CTSD: variants seen among roughly 807,000 people sequenced by gnomAD.
The protein encoded by CTSD is ceroid-lipofuscinosis, neuronal 10.
A neutral mutation model predicts 43.6 loss-of-function variants in CTSD; 28 were observed. The ratio of observed to expected loss-of-function variants is 0.64; its 90% CI spans 0.48 to 0.88. The LOEUF (loss-of-function observed/expected upper bound fraction) is 0.88. CTSD is among the 40% of genes least tolerant of loss of function. CTSD has a pLI of 0.00. For missense variants in CTSD, 485 were observed against 555.2 expected, an observed-to-expected ratio of 0.87 and a Z score of 1.27; for synonymous variants, 270 against 249.8, an observed-to-expected ratio of 1.08 and a Z score of -0.76.
Position 1,763,917 on chromosome 11 carries a change from A to T in CTSD, c.-58T>A. 6.9e-7 allele frequency: 1 copy of T among 1,449,722 alleles called. No individual in the cohort carries two copies. Among genetic ancestry groups the T allele is most frequent in the Non-Finnish European group, 9.2e-7 (1 of 1,084,296 alleles). The allele number at this position is 1,449,722 out of a possible 1,614,324, so 89.8% of individuals were successfully genotyped here. A position where few individuals can be genotyped will look rare whatever the true frequency, so the allele number is the denominator to read the frequency against. ...AGGCCGTGCGCTTATAGCCGGGATG[A>T]CGCCGCAGTTGGGCCGGATCAGCTG... On this transcript the variant is annotated 5_prime_UTR_variant, in exon 1 of 9. Coordinates refer to ENST00000236671, the MANE Select transcript of CTSD (RefSeq NM_001909.5).
At chr11:1,754,552 G>A (rs796615775) in intron 6 of CTSD, among the ~76,000 whole-genome samples, 24 of 142,216 alleles carry the variant, frequency 1.7e-4, no homozygotes, top group South Asian at 7.1e-4. Context: ...GGGATGGAGG[G>A]GATGGAGGGA....
intron 1 of CTSD, among the ~76,000 whole-genome samples, chr11:1,763,294 TCCCA>T (rs1241948784): frequency 2.8e-4 from 43 of 152,098 alleles, no homozygotes; most frequent in Non-Finnish European, 5.9e-4. Flanking sequence ...TCGAGGGGTC[TCCCA>T]GCCCAGGGCC....
intron 2 of CTSD, among the ~76,000 whole-genome samples, chr11:1,760,086 AG>A (rs1479574782): frequency 6.6e-6 from 1 of 152,340 alleles, no homozygotes; most frequent in East Asian, 1.9e-4. Flanking sequence ...GGCCATGTCA[AG>A]GTCTGATTCT....
Position 1,753,285 on chromosome 11 carries a change from C to T in CTSD, c.*218G>A, listed in dbSNP as rs1845749449. The T allele has an allele frequency of 3.2e-6, 2 of 626,796 alleles. No homozygotes were observed. The highest frequency in any genetic ancestry group is 2.9e-6 in the Non-Finnish European group (1 of 349,530). The allele number at this position is 626,796 out of a possible 1,614,324, so 38.8% of individuals were successfully genotyped here. A position where few individuals can be genotyped will look rare whatever the true frequency, so the allele number is the denominator to read the frequency against. ...CTGGATCAGCTCTACCCCCACCAAA[C>T]AGATGGAGAGACAGACAGGCAGGCA... On this transcript the variant is annotated 3_prime_UTR_variant, in exon 9 of 9. Transcript: ENST00000236671.
At chr11:1,763,725 C>T in intron 1 of CTSD, 67 bp downstream of exon 1, 1 of 1,423,626 alleles carries the variant, frequency 7.0e-7, no homozygotes, top group South Asian at 1.3e-5. Context: ...CGAAAGTCAC[C>T]ACAGGCCCCG....
intron 2 of CTSD, chr11:1,760,221 C>T (rs11040948): frequency 1.3e-5 from 2 of 153,142 alleles, no homozygotes; most frequent in Admixed American, 1.3e-4. Flanking sequence ...CCCAGCAACC[C>T]TGCCTTAATG....
rs1208804887 is a variant in CTSD, at chr11:1,753,322, C to G, written c.*181G>C. On this transcript the variant is annotated 3_prime_UTR_variant, in exon 9 of 9. Coordinates refer to ENST00000236671, the MANE Select transcript of CTSD (RefSeq NM_001909.5). ...CAGACAGGCAGGCAGCATTTCTGAA[C>G]CCAGGGAGGGGAAAACCACAGAACA... The G allele has an allele frequency of 4.2e-5, 29 of 697,346 alleles. No homozygotes were observed. The Admixed American group carries it at 6.3e-4, about 15-fold the overall frequency. 43.2% of individuals were successfully genotyped at this position (697,346 alleles called of 1,614,324 possible).
chr11:1,757,040 C>T (rs2133661632), intron 5 of CTSD, among the ~76,000 whole-genome samples: 1 of 152,334 alleles, frequency 6.6e-6, no homozygotes, highest in South Asian at 2.1e-4. Context: ...TGGGTCCATT[C>T]TCATAGGAGG....
chr11:1,757,081 C>T (rs1262774634), intron 5 of CTSD, among the ~76,000 whole-genome samples: 8 of 152,258 alleles, frequency 5.3e-5, no homozygotes, highest in Non-Finnish European at 1.0e-4. Context: ...CCAGGACCCA[C>T]AGCCTGGCCC....
chr11:1,760,915 T>G (rs1296000716), intron 2 of CTSD: 2 of 316,730 alleles, frequency 6.3e-6, no homozygotes, highest in Admixed American at 8.4e-5. Flanking sequence ...CAGGAGGGGC[T>G]GTTGCGAGAG....
rs1345277533 is a variant in CTSD, at chr11:1,757,231, G to C, written c.704+93C>G. On this transcript the variant is annotated intron_variant, in intron 5 of 8. Coordinates refer to ENST00000236671, the MANE Select transcript of CTSD (RefSeq NM_001909.5). ...GAGCTCTGGCACAGCAGCAGGGAGG[G>C]GGCAGCACTGAGAGGGGGTGCCTAG... The C allele has an allele frequency of 4.8e-6, 5 of 1,033,998 alleles. No individual in the cohort carries two copies. In the East Asian group the frequency reaches 1.3e-4, roughly 27 times the overall value. The allele number at this position is 1,033,998 out of a possible 1,614,324, so 64.1% of individuals were successfully genotyped here.
At chr11:1,754,238 C>G (rs754437898) in intron 6 of CTSD, 100 bp from the exon 7 acceptor site, 51 of 1,394,442 alleles carry the variant, frequency 3.7e-5, no homozygotes, top group Non-Finnish European at 5.0e-5. Context: ...GGGCTGCACT[C>G]TCCTCCCCTC....
chr11:1,762,496 A>C (rs1845892852), intron 1 of CTSD: 1 of 152,240 alleles, frequency 6.6e-6, no homozygotes, highest in Non-Finnish European at 1.5e-5. Flanking sequence ...ACAAGGTCAT[A>C]GCTGGCTTTT....
At chr11:1,758,932 A>ACCCTC in intron 4 of CTSD, 37 bp downstream of exon 4, 1 of 1,431,086 alleles carries the variant, frequency 7.0e-7, no homozygotes, top group South Asian at 1.1e-5. Context: ...ACACCCTGGC[A>ACCCTC]CCCTCGAGTC....
chr11:1,756,554 C>T (rs181894334), intron 5 of CTSD, among the ~76,000 whole-genome samples: 51 of 152,316 alleles, frequency 3.3e-4, no homozygotes, highest in Non-Finnish European at 6.0e-4. Context: ...AGTGACCAGG[C>T]GCAGCTCAGG....
intron 1 of CTSD, chr11:1,761,715 C>T (rs1845880484): frequency 1.7e-6 from 1 of 571,982 alleles, no homozygotes; most frequent in Non-Finnish European, 3.2e-6. Flanking sequence ...CCCACCTCAG[C>T]CCCACACACC....
At chr11:1,757,862 A>G in intron 4 of CTSD, 1 of 456,094 alleles carries the variant, frequency 2.2e-6, no homozygotes, top group Non-Finnish European at 4.1e-6. Flanking sequence ...CCCACCACCA[A>G]TGACAGGCAG....
Position 1,753,327 on chromosome 11 carries a change from G to A in CTSD, c.*176C>T, listed in dbSNP as rs544503531. On this transcript the variant is annotated 3_prime_UTR_variant, in exon 9 of 9. Transcript: ENST00000236671. ...AGGCAGGCAGCATTTCTGAACCCAG[G>A]GAGGGGAAAACCACAGAACAAAACA... The A allele has an allele frequency of 2.4e-5, 17 of 713,886 alleles. 1 individual carries two copies. In the East Asian group the frequency reaches 3.7e-4, roughly 16 times the overall value. 44.2% of individuals were successfully genotyped at this position (713,886 alleles called of 1,614,324 possible). A position where few individuals can be genotyped will look rare whatever the true frequency, so the allele number is the denominator to read the frequency against.
rs1350350490 is a variant in CTSD, at chr11:1,754,077, C to T, written c.889G>A (p.Gly297Ser). The change falls in exon 7 of 9, where the codon GGC becomes AGC. Residue 297 changes from glycine (G) to serine (S), a missense_variant. Gly to Ser is a moderately conservative substitution (Grantham distance 56). Coordinates refer to ENST00000236671, the MANE Select transcript of CTSD (RefSeq NM_001909.5). ...KEGCEAIVDT[G>S]TSLMVGPVDE... is the part of the protein sequence containing the mutation. ...ACCGGGCCCACCATGAGGGAAGTGC[C>T]TGTGTCCACAATGGCCTCACAGCCC... 1 of 1,611,754 alleles carries T rather than the reference C, an allele frequency of 6.2e-7. No homozygotes were observed. Among genetic ancestry groups the T allele is most frequent in the Admixed American group, 1.7e-5 (1 of 59,982 alleles).
Sources: allele counts gnomAD v4.1 joint callset (sites outside exome capture counted in the v4.1 genomes callset), GRCh38; gene constraint gnomAD v4.1.1; transcripts MANE v1.5; gene names NCBI Gene and HGNC (gene_info 2026-07-23, HGNC 2026-07-21).